Variants in CRB1 observed in about 807,000 individuals in gnomAD.
CRB1 encodes the protein crumbs cell polarity complex component 1.
A neutral mutation model predicts 120.0 loss-of-function variants in CRB1; 83 were observed. The observed-to-expected ratio is 0.69, with a 90% CI of 0.58 to 0.83. CRB1 has a LOEUF of 0.83. CRB1 is among the 40% of genes least tolerant of loss of function. The pLI is 0.00. For missense variants in CRB1, 1,699 were observed against 1,687.6 expected (o/e 1.01, Z -0.12); for synonymous variants, 625 against 612.5 (o/e 1.02, Z -0.30).
At chr1:197,327,120 A>AAAAC (rs1558055691) in intron 1 of CRB1, among the ~76,000 whole-genome samples, 1 of 71,044 alleles carries the variant, frequency 1.4e-5, no homozygotes, top group Non-Finnish European at 3.4e-5. Flanking sequence ...AAAAAAAAAA[A>AAAAC]AAAAAAAAAA....
chr1:197,252,507 T>A, the CRB1 span, among the ~76,000 whole-genome samples: 1 of 120,460 alleles, frequency 8.3e-6, no homozygotes, highest in South Asian at 2.8e-4. Flanking sequence ...CCTATATCAG[T>A]CAGGGCTCTA....
At chr1:197,211,400 T>C in the CRB1 span, among the ~76,000 whole-genome samples, 99 of 152,322 alleles carry the variant, frequency 6.5e-4, no homozygotes, top group Non-Finnish European at 1.2e-3. Context: ...TTATATACAA[T>C]AGAAATTTAT....
chr1:197,202,962 GGTGTGTGTGTGTGTGTGTGTCT>G, the CRB1 span, among the ~76,000 whole-genome samples: 2 of 147,642 alleles, frequency 1.4e-5, no homozygotes, highest in African/African-American at 2.5e-5. Flanking sequence ...ATGTCTTTGT[GGTGTGTGTGTGTGTGTGTGTCT>G]GTGTGTGTGT....
intron 1 of CRB1, among the ~76,000 whole-genome samples, chr1:197,293,375 A>G (rs1335605658): frequency 6.6e-6 from 1 of 152,166 alleles, no homozygotes; most frequent in Non-Finnish European, 1.5e-5. Context: ...GGACCTCTTC[A>G]AGGAGAACTA....
At position 197,458,238 on chromosome 1, in the gene CRB1, A is replaced by G. The variant is rs1225792027; in HGVS notation, c.4005+15946A>G. 2.0e-5 allele frequency among the ~76,000 whole-genome samples: 3 copies of G among 152,116 alleles called. No individual in the cohort carries two copies. In the South Asian group the frequency reaches 6.2e-4, roughly 32 times the overall value. On this transcript the variant is annotated intron_variant, in intron 11 of 11. Coordinates refer to ENST00000367400, the MANE Select transcript of CRB1 (RefSeq NM_201253.3). ...TGGTACCAGAAGAAAAGGAGGATCC[A>G]GGAAAGAGCTAGTAGAGTTTACAAG...
chr1:197,475,823 A>G (rs1287632320), intron 11 of CRB1, among the ~76,000 whole-genome samples: 1 of 152,014 alleles, frequency 6.6e-6, no homozygotes, highest in Non-Finnish European at 1.5e-5. Flanking sequence ...CCCTTTCCCA[A>G]TTCAAACATA....
At chr1:197,337,157 A>C (rs1659203679) in intron 2 of CRB1, among the ~76,000 whole-genome samples, 1 of 152,122 alleles carries the variant, frequency 6.6e-6, no homozygotes, top group Non-Finnish European at 1.5e-5. Flanking sequence ...GCCCTTATAA[A>C]AGAGGTCCAA....
intron 5 of CRB1, among the ~76,000 whole-genome samples, chr1:197,376,574 C>T (rs901417295): frequency 6.6e-6 from 1 of 152,148 alleles, no homozygotes; most frequent in Non-Finnish European, 1.5e-5. Flanking sequence ...TTCCTCCACA[C>T]AGTTTGTTGG....
In CRB1 at chr1:197,344,431, G is replaced by A. The variant is rs1335729423; in HGVS notation, c.803G>A (p.Ser268Asn). The part of the protein sequence containing the change: ...HCELNTDECA[S>N]QPCLHGGLCV... Reference sequence around the variant, plus strand: ...GAACTCAACACTGATGAGTGTGCCAGTCAACCTTGTCTCCATGGAGGGCTG... The same window carrying A: ...GAACTCAACACTGATGAGTGTGCCAATCAACCTTGTCTCCATGGAGGGCTG... The change falls in exon 3 of 12, where the codon AGT becomes AAT. Residue 268 changes from serine (S) to asparagine (N), a missense_variant. Ser to Asn is a conservative substitution (Grantham distance 46). Coordinates refer to ENST00000367400, the MANE Select transcript of CRB1 (RefSeq NM_201253.3). 1.9e-6 allele frequency: 3 copies of A among 1,613,980 alleles called. No homozygotes were observed. The highest frequency in any genetic ancestry group is 1.1e-5 in the South Asian group (1 of 91,086).
At chr1:197,259,929 C>T in the CRB1 span, among the ~76,000 whole-genome samples, 1 of 151,100 alleles carries the variant, frequency 6.6e-6, no homozygotes, top group Non-Finnish European at 1.5e-5. Flanking sequence ...GTGGGAGGAT[C>T]GCCTGAGCCC....
chr1:197,235,701 G>A, the CRB1 span, among the ~76,000 whole-genome samples: 1 of 152,196 alleles, frequency 6.6e-6, no homozygotes, highest in African/African-American at 2.4e-5. Context: ...ATAAATGGTG[G>A]TTGTGTTAAG....
At chr1:197,229,745 A>C in the CRB1 span, among the ~76,000 whole-genome samples, 1 of 152,142 alleles carries the variant, frequency 6.6e-6, no homozygotes, top group African/African-American at 2.4e-5. Context: ...GATTAGGATA[A>C]TGGTCTCCCT....
intron 6 of CRB1, 54 bp from the exon 7 acceptor site, chr1:197,427,400 G>A: frequency 5.2e-6 from 8 of 1,543,864 alleles, no homozygotes; most frequent in Non-Finnish European, 7.2e-6. Context: ...TCTGTCTTTT[G>A]AGCCTTAAGA....
chr1:197,328,952 T>G lies in CRB1; in HGVS notation c.601T>G (p.Cys201Gly), dbSNP rs762835866. ...AGATCCCTGCAAGAACGAGGCTACA[T>G]GCCTCAATGAAATAGGAAGATATAC... ...ASDPCKNEAT[C>G]LNEIGRYTCI... Residue 201 changes from cysteine to glycine, a missense_variant, in exon 2 of 12, where the codon TGC becomes GGC. Cys to Gly is a radical substitution (Grantham distance 159). Coordinates refer to ENST00000367400, the MANE Select transcript of CRB1 (RefSeq NM_201253.3). 1.2e-6 allele frequency: 2 copies of G among 1,614,068 alleles called. No homozygotes were observed. The highest frequency in any genetic ancestry group is 1.3e-5 in the African/African-American group (1 of 74,946).
At chr1:197,407,229 A>G (rs1663458332) in intron 5 of CRB1, among the ~76,000 whole-genome samples, 1 of 152,224 alleles carries the variant, frequency 6.6e-6, no homozygotes. Flanking sequence ...TATTCTTTTT[A>G]TTCTATGAAG....
chr1:197,420,190 A>G (rs867744455), intron 5 of CRB1, among the ~76,000 whole-genome samples: 1 of 152,160 alleles, frequency 6.6e-6, no homozygotes, highest in Non-Finnish European at 1.5e-5. Flanking sequence ...ATAAAGTCCT[A>G]CGCATATGTC....
intron 5 of CRB1, among the ~76,000 whole-genome samples, chr1:197,406,883 AAGGT>A (rs1313170013): frequency 6.6e-6 from 1 of 152,210 alleles, no homozygotes; most frequent in Non-Finnish European, 1.5e-5. Flanking sequence ...ACAACAACTA[AAGGT>A]AGGTGGTGCA....
intron 5 of CRB1, among the ~76,000 whole-genome samples, chr1:197,385,573 GTAA>G (rs2125406434): frequency 6.6e-6 from 1 of 152,124 alleles, no homozygotes; most frequent in South Asian, 2.1e-4. Flanking sequence ...CAATATACAA[GTAA>G]TAATAACATG....
intron 11 of CRB1, among the ~76,000 whole-genome samples, chr1:197,451,405 G>T (rs928865852): frequency 6.6e-6 from 1 of 152,234 alleles, no homozygotes; most frequent in Non-Finnish European, 1.5e-5. Flanking sequence ...ATACTTTGGA[G>T]AAAGGGAGGA....
Sources: allele counts gnomAD v4.1 joint callset (sites outside exome capture counted in the v4.1 genomes callset), GRCh38; gene constraint gnomAD v4.1.1; transcripts MANE v1.5; gene names NCBI Gene and HGNC (gene_info 2026-07-23, HGNC 2026-07-21).